Variants in EPHB2 observed in about 807,000 individuals in gnomAD.
EPHB2 encodes the protein EPH receptor B2.
EPHB2 carries 18 observed loss-of-function variants against 96.4 expected under a neutral mutation model. That is an observed-to-expected ratio of 0.19 (90% CI 0.13 to 0.28). EPHB2 has a LOEUF of 0.28. Ranked by LOEUF, EPHB2 falls within the 10% of genes least tolerant of loss-of-function variation. The pLI is 1.00. For missense variants in EPHB2, 989 were observed against 1,355.4 expected, an observed-to-expected ratio of 0.73 and a Z score of 4.25; for synonymous variants, 506 against 534.1, an observed-to-expected ratio of 0.95 and a Z score of 0.72.
intron 3 of EPHB2, among the ~76,000 whole-genome samples, chr1:22,862,536 G>T (rs898252575): frequency 1.8e-4 from 28 of 152,196 alleles, no homozygotes; most frequent in Non-Finnish European, 1.5e-5. Flanking sequence ...CTCAAAGCCA[G>T]GTCGGTCTTA....
intron 13 of EPHB2, among the ~76,000 whole-genome samples, 185 bp downstream of exon 13, chr1:22,909,356 G>C (rs1352428515): frequency 6.6e-6 from 1 of 152,198 alleles, no homozygotes; most frequent in African/African-American, 2.4e-5. Context: ...CAGGACTCTG[G>C]ACTCTCCAGG....
intron 3 of EPHB2, among the ~76,000 whole-genome samples, chr1:22,813,086 C>G (rs1645025290): frequency 6.6e-6 from 1 of 152,174 alleles, no homozygotes; most frequent in Non-Finnish European, 1.5e-5. Flanking sequence ...CAGTATCATA[C>G]TCTGTTATAA....
At chr1:22,834,801 C>T (rs1645355780) in intron 3 of EPHB2, among the ~76,000 whole-genome samples, 1 of 151,776 alleles carries the variant, frequency 6.6e-6, no homozygotes. Flanking sequence ...TGGCATGCAC[C>T]TGTAACCCAG....
intron 3 of EPHB2, among the ~76,000 whole-genome samples, chr1:22,809,267 A>G (rs964801818): frequency 2.0e-5 from 3 of 152,160 alleles, no homozygotes; most frequent in Non-Finnish European, 2.9e-5. Context: ...CTCCCCGGCA[A>G]TTGGCAGTTT....
intron 8 of EPHB2, among the ~76,000 whole-genome samples, 182 bp downstream of exon 8, chr1:22,895,762 C>T (rs1473161802): frequency 6.6e-6 from 1 of 152,270 alleles, no homozygotes; most frequent in African/African-American, 2.4e-5. Flanking sequence ...CCACCATGTG[C>T]AATCCATCCC....
At chr1:22,835,855 G>T (rs893790990) in intron 3 of EPHB2, 1 of 152,200 alleles carries the variant, frequency 6.6e-6, no homozygotes, top group Non-Finnish European at 1.5e-5. Context: ...CCCTGATGGG[G>T]ACGCCACTTG....
intron 3 of EPHB2, among the ~76,000 whole-genome samples, chr1:22,805,864 G>T (rs371975445): frequency 3.9e-5 from 6 of 152,228 alleles, no homozygotes; most frequent in Non-Finnish European, 8.8e-5. Flanking sequence ...TAAAGCAGCC[G>T]CCTGGGGTGG....
intron 3 of EPHB2, among the ~76,000 whole-genome samples, chr1:22,859,259 G>A (rs910884389): frequency 1.4e-5 from 2 of 143,398 alleles, no homozygotes; most frequent in Non-Finnish European, 3.0e-5. Flanking sequence ...AGCAATGAGG[G>A]CAGATGGACA....
intron 1 of EPHB2, among the ~76,000 whole-genome samples, chr1:22,752,925 A>G (rs1299063570): frequency 6.6e-6 from 1 of 150,742 alleles, no homozygotes; most frequent in Admixed American, 6.6e-5. Flanking sequence ...CTAGGACTAC[A>G]GGTGCATGCC....
At chr1:22,871,788 C>T (rs1638676990) in intron 5 of EPHB2, among the ~76,000 whole-genome samples, 1 of 152,074 alleles carries the variant, frequency 6.6e-6, no homozygotes, top group Non-Finnish European at 1.5e-5. Flanking sequence ...GAGGCTGAGG[C>T]GGGTGGATCA....
intron 3 of EPHB2, among the ~76,000 whole-genome samples, chr1:22,845,847 C>G (rs1049498727): frequency 6.6e-6 from 1 of 152,162 alleles, no homozygotes; most frequent in Non-Finnish European, 1.5e-5. Context: ...ATGGCCATGT[C>G]TAGGCAATTT....
intron 4 of EPHB2, among the ~76,000 whole-genome samples, 195 bp downstream of exon 4, chr1:22,863,387 A>G (rs1638347292): frequency 6.6e-6 from 1 of 152,360 alleles, no homozygotes; most frequent in African/African-American, 2.4e-5. Flanking sequence ...CAGTGCTGGC[A>G]TCTGGCTCCT....
chr1:22,763,534 C>G (rs947239720), intron 1 of EPHB2, among the ~76,000 whole-genome samples: 2 of 151,976 alleles, frequency 1.3e-5, no homozygotes, highest in Admixed American at 6.6e-5. Context: ...GCCAGGCCCT[C>G]CCCCCCACTT....
intron 1 of EPHB2, among the ~76,000 whole-genome samples, chr1:22,756,727 G>A (rs994972609): frequency 8.5e-5 from 13 of 152,150 alleles, no homozygotes; most frequent in South Asian, 2.1e-4. Flanking sequence ...AGAACAAGGC[G>A]GCACCTGCTG....
chr1:22,828,666 A>G (rs983503647), intron 3 of EPHB2, among the ~76,000 whole-genome samples: 3 of 152,232 alleles, frequency 2.0e-5, no homozygotes, highest in African/African-American at 7.2e-5. Flanking sequence ...AGAAATGCAC[A>G]GTGTTAAAAT....
At chr1:22,721,578 C>T (rs1468561065) in intron 1 of EPHB2, among the ~76,000 whole-genome samples, 3 of 152,098 alleles carry the variant, frequency 2.0e-5, no homozygotes, top group South Asian at 2.1e-4. Context: ...AATCTGTGTC[C>T]GGTTTTGCCA....
chr1:22,890,642 C>T (rs982980923), intron 6 of EPHB2, among the ~76,000 whole-genome samples: 7 of 152,146 alleles, frequency 4.6e-5, no homozygotes, highest in South Asian at 2.1e-4. Flanking sequence ...GCTGTGTCCC[C>T]GCCCAAATCT....
intron 1 of EPHB2, among the ~76,000 whole-genome samples, chr1:22,775,930 G>A (rs757161735): frequency 1.3e-5 from 2 of 152,196 alleles, no homozygotes; most frequent in Non-Finnish European, 2.9e-5. Context: ...TCTGGGAACC[G>A]GACATTTCAA....
In EPHB2 at chr1:22,781,417, A is replaced by G. The variant is rs1258996097; in HGVS notation, c.62-4A>G. 1 of 1,613,416 alleles carries G rather than the reference A, an allele frequency of 6.2e-7. No homozygotes were observed. The highest frequency in any genetic ancestry group is 2.2e-5 in the East Asian group (1 of 44,834). ...GGGGTGGTGACTCTTTGCTCTCCCC[A>G]CAGAAACGCTAATGGACTCCACTAC... On this transcript the variant is annotated splice_region_variant and splice_polypyrimidine_tract_variant and intron_variant, in intron 1 of 15. Transcript: ENST00000374630.
Sources: gnomAD v4.1 joint callset for allele counts (sites outside exome capture counted in the v4.1 genomes callset) on GRCh38, gnomAD v4.1.1 for gene constraint, MANE v1.5 for transcripts, NCBI Gene and HGNC (gene_info 2026-07-23, HGNC 2026-07-21) for gene names.